The following ZPLD1 variants were observed in gnomAD, a reference collection of about 807,000 sequenced individuals.
ZPLD1 encodes the protein zona pellucida like domain containing 1.
In ZPLD1, 34 loss-of-function variants were observed where a neutral mutation model predicts 47.2. The observed-to-expected ratio is 0.72, with a 90% CI of 0.55 to 0.96. ZPLD1 has a LOEUF of 0.96. Among genes scored for constraint, ZPLD1 ranks in the 40% least tolerant of loss-of-function variants. ZPLD1 has a pLI of 0.00. For missense variants in ZPLD1, 512 were observed against 505.8 expected (o/e 1.01, Z -0.12); for synonymous variants, 176 against 186.2 (o/e 0.95, Z 0.45).
intron 3 of ZPLD1, 117 bp downstream of exon 3, chr3:102,438,710 A>G (rs1707129833): frequency 6.2e-6 from 4 of 644,464 alleles, no homozygotes; most frequent in East Asian, 2.9e-5. Context: ...TTAAGTGGAT[A>G]TTAACAAATG....
chr3:102,468,625 GTGAAAATAAA>G (rs1378914622), intron 8 of ZPLD1, among the ~76,000 whole-genome samples: 1 of 152,176 alleles, frequency 6.6e-6, no homozygotes, highest in Non-Finnish European at 1.5e-5. Flanking sequence ...TGGGAATGAT[GTGAAAATAAA>G]TGAAAATAAA....
intron 6 of ZPLD1, among the ~76,000 whole-genome samples, chr3:102,385,603 A>T (rs1559736426): frequency 6.6e-6 from 1 of 152,218 alleles, no homozygotes; most frequent in Non-Finnish European, 1.5e-5. Context: ...GCATATTTAA[A>T]TACTTGTGTA....
intron 3 of ZPLD1, among the ~76,000 whole-genome samples, chr3:102,446,551 A>G (rs1007792716): frequency 3.3e-5 from 5 of 152,106 alleles, no homozygotes; most frequent in African/African-American, 4.8e-5. Flanking sequence ...TCAGCCTCTC[A>G]AAGACTGAGC....
At chr3:102,471,666 C>T (rs999726911) in intron 10 of ZPLD1, among the ~76,000 whole-genome samples, 4 of 152,166 alleles carry the variant, frequency 2.6e-5, no homozygotes, top group African/African-American at 9.7e-5. Context: ...GCATAAAAAA[C>T]TCTGAAACTA....
chr3:102,457,891 C>G (rs376914733), intron 6 of ZPLD1, 38 bp downstream of exon 6: 8 of 1,600,286 alleles, frequency 5.0e-6, no homozygotes, highest in Non-Finnish European at 6.8e-6. Context: ...TTCTCTTTCA[C>G]TGTTGTGAGG....
chr3:102,470,725 TACACACACAC>T (rs149917091), intron 10 of ZPLD1, among the ~76,000 whole-genome samples: 74 of 148,874 alleles, frequency 5.0e-4, no homozygotes, highest in South Asian at 1.9e-3. Flanking sequence ...CACACACACA[TACACACACAC>T]ACACACACAC....
chr3:102,414,616 A>C (rs1706782510), intron 7 of ZPLD1, among the ~76,000 whole-genome samples: 1 of 151,896 alleles, frequency 6.6e-6, no homozygotes, highest in Non-Finnish European at 1.5e-5. Context: ...TCAGTTACCT[A>C]GTAAAGCTAG....
rs961136484 is a variant in ZPLD1 at position 102,478,928 on chromosome 3, T to G, written c.*1310T>G. 1.7e-4 allele frequency: 26 copies of G among 152,228 alleles called. No individual in the cohort carries two copies. Among genetic ancestry groups the G allele is most frequent in the African/African-American group, 6.3e-4 (26 of 41,460 alleles). The allele number at this position is 152,228 out of a possible 1,614,324, so 9.4% of individuals were successfully genotyped here. A position where few individuals can be genotyped will look rare whatever the true frequency, so the allele number is the denominator to read the frequency against. Reference sequence around the variant, plus strand: ...TGTAATCACTAATTTCTATTCAACATTTGTGACCCATTAGTCCGGACTTAA... The same window carrying G: ...TGTAATCACTAATTTCTATTCAACAGTTGTGACCCATTAGTCCGGACTTAA... On this transcript the variant is annotated 3_prime_UTR_variant, in exon 12 of 12. Transcript: ENST00000466937.
At position 102,468,877 on chromosome 3, in the gene ZPLD1, G is replaced by T. The variant is rs910360584; in HGVS notation, c.762-87G>T. The T allele has an allele frequency of 3.2e-5, 43 of 1,324,388 alleles. No homozygotes were observed. In the African/African-American group the frequency reaches 4.9e-4, roughly 15 times the overall value. 82.0% of individuals were successfully genotyped at this position (1,324,388 alleles called of 1,614,324 possible). A position where few individuals can be genotyped will look rare whatever the true frequency, so the allele number is the denominator to read the frequency against. ...TGTTAGCTCTTAATGTAATGGCGGA[G>T]TCTTAATACGGTAGAAATTAATTTA... is the stretch of plus-strand genomic sequence containing the variant. On this transcript the variant is annotated intron_variant, in intron 8 of 11. Transcript: ENST00000466937.
rs1707804861 is a variant in ZPLD1 at position 102,479,314 on chromosome 3, T to C, written c.*1696T>C. On this transcript the variant is annotated 3_prime_UTR_variant, in exon 12 of 12. Transcript: ENST00000466937. ...TGATTAACTGACCATACTACTAATGTGACCCTGTATATACATGGATAGTAT... is the reference window on the plus strand; with the variant it reads ...TGATTAACTGACCATACTACTAATGCGACCCTGTATATACATGGATAGTAT... 1 of 152,212 alleles carries C rather than the reference T, an allele frequency of 6.6e-6. No homozygotes were observed. The allele number at this position is 152,212 out of a possible 1,614,324, so 9.4% of individuals were successfully genotyped here. A position where few individuals can be genotyped will look rare whatever the true frequency, so the allele number is the denominator to read the frequency against.
At chr3:102,430,167 A>G (rs1363604535), upstream of ZPLD1, among the ~76,000 whole-genome samples, 2 of 152,130 alleles carry the variant, frequency 1.3e-5, no homozygotes, top group Non-Finnish European at 2.9e-5. Context: ...CTTTCTTCCA[A>G]AAAAGTTTCA....
intron 11 of ZPLD1, 52 bp downstream of exon 11, chr3:102,477,093 TA>T (rs1297613635): frequency 5.0e-6 from 8 of 1,588,276 alleles, no homozygotes; most frequent in Non-Finnish European, 6.9e-6. Flanking sequence ...GGTGATCAGT[TA>T]CAAAGCTGTA....
chr3:102,435,920 G>A (rs1368977273), intron 1 of ZPLD1, among the ~76,000 whole-genome samples: 1 of 152,194 alleles, frequency 6.6e-6, no homozygotes, highest in Non-Finnish European at 1.5e-5. Flanking sequence ...GGGATTACGG[G>A]CGTGAGCCAC....
At chr3:102,444,999 C>T (rs1289194598) in intron 3 of ZPLD1, among the ~76,000 whole-genome samples, 2 of 152,186 alleles carry the variant, frequency 1.3e-5, no homozygotes, top group African/African-American at 4.8e-5. Flanking sequence ...CAGGAAAGGT[C>T]CACTTAGGTT....
At chr3:102,433,420 T>C (rs112865672), upstream of ZPLD1, among the ~76,000 whole-genome samples, 1,072 of 152,340 alleles carry the variant, frequency 7.0e-3, 11 homozygotes, top group African/African-American at 0.025. Context: ...AAATTGCCTA[T>C]CTCATAGTTA....
At chr3:102,393,575 A>G (rs1383326513) in intron 7 of ZPLD1, among the ~76,000 whole-genome samples, 1 of 151,974 alleles carries the variant, frequency 6.6e-6, no homozygotes, top group Non-Finnish European at 1.5e-5. Context: ...GCAAGAAGGC[A>G]TGGCAGAAAT....
intron 6 of ZPLD1, among the ~76,000 whole-genome samples, chr3:102,461,129 C>A (rs529576335): frequency 2.0e-5 from 3 of 151,996 alleles, no homozygotes; most frequent in African/African-American, 7.2e-5. Context: ...TTATAAAATT[C>A]AAAATATTTT....
Position 102,462,349 on chromosome 3 carries a change from A to G in ZPLD1, c.651A>G (p.Ala217=), listed in dbSNP as rs750512650. 1.9e-6 allele frequency: 3 copies of G among 1,611,082 alleles called. No homozygotes were observed. Among genetic ancestry groups the G allele is most frequent in the Non-Finnish European group, 2.5e-6 (3 of 1,178,664 alleles). ...TACCTTTGAAAACCAAAGTATTTGC[A>G]GCTGTCCAAGCCACTAATTTGGATG... ...IGLPLKTKVF[A]AVQATNLDGR... is the part of the protein sequence containing the mutation. Residue 217 remains alanine, a synonymous_variant, in exon 7 of 12, where the codon GCA becomes GCG. Coordinates refer to ENST00000466937, the MANE Select transcript of ZPLD1 (RefSeq NM_001329788.2).
At chr3:102,388,294 C>T (rs1311567232) in intron 6 of ZPLD1, among the ~76,000 whole-genome samples, 1 of 152,030 alleles carries the variant, frequency 6.6e-6, no homozygotes, top group African/African-American at 2.4e-5. Flanking sequence ...TATACTCTCT[C>T]TTGTATATTT....
Sources: allele counts gnomAD v4.1 joint callset (sites outside exome capture counted in the v4.1 genomes callset), GRCh38; gene constraint gnomAD v4.1.1; transcripts MANE v1.5; gene names NCBI Gene and HGNC (gene_info 2026-07-23, HGNC 2026-07-21).